PCDHA1: variants seen among roughly 807,000 people sequenced by gnomAD.
PCDHA1 encodes the protein protocadherin alpha-1.
In PCDHA1, 42 loss-of-function variants were observed where a neutral mutation model predicts 61.3. The observed-to-expected ratio is 0.69, with a 90% confidence interval of 0.54 to 0.89. PCDHA1 has a LOEUF of 0.89. PCDHA1 is among the 40% of genes least tolerant of loss of function. The probability of loss-of-function intolerance (pLI) is 0.00; values close to 1 mark genes in which losing one functional copy is unlikely to be tolerated. For missense variants in PCDHA1, 1,256 were observed against 1,235.3 expected, an observed-to-expected ratio of 1.02 and a Z score of -0.25; for synonymous variants, 610 against 553.8, an observed-to-expected ratio of 1.10 and a Z score of -1.43.
At position 140,805,427 on chromosome 5, in the gene PCDHA1, G is replaced by A. The variant is rs1193908994; in HGVS notation, c.2394+16743G>A. 3 of 1,056,242 alleles carry A rather than the reference G, an allele frequency of 2.8e-6. No homozygotes were observed. The South Asian group carries it at 1.1e-4, about 37-fold the overall frequency. 65.4% of individuals were successfully genotyped at this position (1,056,242 alleles called of 1,614,324 possible). ...GAAATTTGGTGGGTTTTTTGTTGTT[G>A]TTTTGGTTTTTGTGTGTGTGTGTTT... On this transcript the variant is annotated intron_variant, in intron 1 of 3. Transcript: ENST00000504120.
chr5:140,803,067 G>T (rs1763105325), intron 1 of PCDHA1: 1 of 1,613,948 alleles, frequency 6.2e-7, no homozygotes, highest in Non-Finnish European at 8.5e-7. Context: ...CCCGTTTCGC[G>T]TGGGGCTGTA....
chr5:140,979,383 T>C (rs2096847136), intron 2 of PCDHA1, among the ~76,000 whole-genome samples: 1 of 152,220 alleles, frequency 6.6e-6, no homozygotes, highest in Admixed American at 6.5e-5. Context: ...CATTGTGCAA[T>C]GTATACATAC....
intron 3 of PCDHA1, among the ~76,000 whole-genome samples, chr5:141,003,906 T>C (rs2153979379): frequency 6.6e-6 from 1 of 152,260 alleles, no homozygotes; most frequent in South Asian, 2.1e-4. Context: ...TTCATTTGGG[T>C]CTTGACTGCA....
At chr5:140,833,033 G>T (rs892689957) in intron 1 of PCDHA1, among the ~76,000 whole-genome samples, 2 of 152,156 alleles carry the variant, frequency 1.3e-5, no homozygotes, top group Non-Finnish European at 2.9e-5. Flanking sequence ...GAGAGAGTGT[G>T]ATATAAAGCA....
chr5:140,957,879 G>T (rs2095393633), intron 1 of PCDHA1, among the ~76,000 whole-genome samples: 1 of 151,960 alleles, frequency 6.6e-6, no homozygotes, highest in Non-Finnish European at 1.5e-5. Flanking sequence ...GTGCTGAAAA[G>T]CTGAAGTTGG....
rs782193156 is a variant in PCDHA1 at position 140,795,173 on chromosome 5, G to C, written c.2394+6489G>C. On this transcript the variant is annotated intron_variant, in intron 1 of 3. Coordinates refer to ENST00000504120, the MANE Select transcript of PCDHA1 (RefSeq NM_018900.4). ...CGCCTGTTCCGGGTGGCGTCCAAAA[G>C]ACACGGGGACCTTCTGGAGGTAAAT... is the stretch of plus-strand genomic sequence containing the variant. The C allele has an allele frequency of 1.2e-6, 2 of 1,614,094 alleles. No individual in the cohort carries two copies. The highest frequency in any genetic ancestry group is 2.2e-5 in the East Asian group (1 of 44,882).
At chr5:140,858,411 CTAT>C (rs782056031) in intron 1 of PCDHA1, 1 of 1,564,168 alleles carries the variant, frequency 6.4e-7, no homozygotes. Flanking sequence ...GAAGATCAGT[CTAT>C]TGGAGGGGAC....
intron 3 of PCDHA1, among the ~76,000 whole-genome samples, chr5:140,999,132 T>TC (rs2153955890): frequency 6.6e-6 from 1 of 152,278 alleles, no homozygotes; most frequent in African/African-American, 2.4e-5. Context: ...CTGGAAAATG[T>TC]CACAGCCGGA....
At chr5:140,883,986 C>T in intron 1 of PCDHA1, 1 of 1,612,808 alleles carries the variant, frequency 6.2e-7, no homozygotes, top group Non-Finnish European at 8.5e-7. Flanking sequence ...GCTGGCAGCG[C>T]GGGAGGCACA....
chr5:140,794,286 G>A (rs782766418), intron 1 of PCDHA1, among the ~76,000 whole-genome samples: 3 of 152,192 alleles, frequency 2.0e-5, no homozygotes, highest in Non-Finnish European at 4.4e-5. Context: ...GTATACATAC[G>A]ATGGACTAGT....
At chr5:140,913,867 T>G (rs1554196087) in intron 1 of PCDHA1, among the ~76,000 whole-genome samples, 2 of 152,234 alleles carry the variant, frequency 1.3e-5, no homozygotes. Flanking sequence ...TTGTTTAATT[T>G]CCATGTGTTC....
intron 1 of PCDHA1, chr5:140,815,946 G>T (rs2126668212): frequency 6.6e-5 from 10 of 152,244 alleles, no homozygotes; most frequent in African/African-American, 2.2e-4. Flanking sequence ...GAAATCTACT[G>T]GTAGAGTTAG....
chr5:140,892,534 T>C (rs1554185241), intron 1 of PCDHA1, among the ~76,000 whole-genome samples: 2 of 152,254 alleles, frequency 1.3e-5, no homozygotes, highest in African/African-American at 2.4e-5. Context: ...CTCAGGATTC[T>C]GACTTTTGTT....
At chr5:140,966,744 T>A in intron 1 of PCDHA1, 1 of 1,424,124 alleles carries the variant, frequency 7.0e-7, no homozygotes. Flanking sequence ...CCTGCCCGGC[T>A]GCCTCCGCCG....
intron 1 of PCDHA1, chr5:140,835,064 A>G (rs2150230368): frequency 1.6e-6 from 2 of 1,216,012 alleles, no homozygotes; most frequent in East Asian, 2.6e-5. Flanking sequence ...GCACCGTTCA[A>G]TTACTCATCA....
chr5:140,927,294 C>T (rs781944508), intron 1 of PCDHA1: 10 of 1,614,062 alleles, frequency 6.2e-6, no homozygotes, highest in South Asian at 3.3e-5. Context: ...TGCACATCCC[C>T]GAGTTCCTGA....
At chr5:140,987,452 A>C (rs1430622755) in intron 3 of PCDHA1, among the ~76,000 whole-genome samples, 2 of 152,076 alleles carry the variant, frequency 1.3e-5, no homozygotes, top group Non-Finnish European at 2.9e-5. Context: ...CCCGAGAGAT[A>C]ATTGTTAAGA....
Position 140,847,575 on chromosome 5 carries a change from A to C in PCDHA1, c.2394+58891A>C, listed in dbSNP as rs187622781. On this transcript the variant is annotated intron_variant, in intron 1 of 3. Coordinates refer to ENST00000504120, the MANE Select transcript of PCDHA1 (RefSeq NM_018900.4). The stretch of plus-strand genomic sequence containing the variant: ...ACAGAAATTGCCCCGAGTACTAAGG[A>C]TGAGCAATAATGAAATTAAAACATA... 1.3e-4 allele frequency: 19 copies of C among 149,686 alleles called. 1 individual carries two copies. In the East Asian group the frequency reaches 3.7e-3, roughly 29 times the overall value. 9.3% of individuals were successfully genotyped at this position (149,686 alleles called of 1,614,324 possible). A position where few individuals can be genotyped will look rare whatever the true frequency, so the allele number is the denominator to read the frequency against.
chr5:140,870,194 C>G, intron 1 of PCDHA1: 1 of 1,614,168 alleles, frequency 6.2e-7, no homozygotes, highest in Non-Finnish European at 8.5e-7. Context: ...GACGCTCAGC[C>G]CAGCACGGTC....
Sources: allele counts gnomAD v4.1 joint callset (sites outside exome capture counted in the v4.1 genomes callset), GRCh38; gene constraint gnomAD v4.1.1; transcripts MANE v1.5; gene names NCBI Gene and HGNC (gene_info 2026-07-23, HGNC 2026-07-21).